CNNM3: variants seen among roughly 807,000 people sequenced by gnomAD.
The protein encoded by CNNM3 is metal transporter CNNM3.
CNNM3 carries 47 observed loss-of-function variants against 57.1 expected under a neutral mutation model. The ratio of observed to expected loss-of-function variants is 0.82; its 90% CI spans 0.65 to 1.05. The LOEUF (loss-of-function observed/expected upper bound fraction) is 1.05, where lower values mean the gene tolerates loss of function less well. Ranked by LOEUF, CNNM3 falls within the 50% of genes least tolerant of loss-of-function variation. CNNM3 has a pLI of 0.00. For missense variants in CNNM3, 957 were observed against 973.7 expected (o/e 0.98, Z 0.23); for synonymous variants, 507 against 478.2 (o/e 1.06, Z -0.79).
Position 96,817,052 on chromosome 2 carries a change from A to T in CNNM3, c.775A>T (p.Ser259Cys). 1 of 1,369,806 alleles carries T rather than the reference A, an allele frequency of 7.3e-7. No individual in the cohort carries two copies. Among genetic ancestry groups the T allele is most frequent in the Non-Finnish European group, 9.4e-7 (1 of 1,061,506 alleles). The allele number at this position is 1,369,806 out of a possible 1,614,324, so 84.9% of individuals were successfully genotyped here. ...GCTGGCGCCGCGAGCGCTCGGCCTC[A>T]GCCGCCTGGCCGTCCTGCTCACTCT... ...LALAPRALGLSRLAVLLTLPV... is the reference protein window; with the variant it reads ...LALAPRALGLCRLAVLLTLPV... The change falls in exon 1 of 8, where the codon AGC (serine) becomes TGC (cysteine). Residue 259 changes from serine (S) to cysteine (C), a missense_variant. By Grantham distance (112) the Ser-to-Cys change is moderately radical. Transcript: ENST00000305510.
intron 2 of CNNM3, 110 bp downstream of exon 2, chr2:96,825,311 C>G: frequency 2.2e-6 from 3 of 1,352,994 alleles, no homozygotes; most frequent in East Asian, 4.9e-5. Context: ...CCAGCAAGAT[C>G]CACAGCCAGG....
intron 7 of CNNM3, among the ~76,000 whole-genome samples, chr2:96,830,485 A>G (rs1367192389): frequency 6.6e-6 from 1 of 152,224 alleles, no homozygotes; most frequent in African/African-American, 2.4e-5. Flanking sequence ...CGAGAGCACA[A>G]ACATGTTTTT....
Position 96,816,612 on chromosome 2 carries a change from C to G in CNNM3, c.335C>G (p.Pro112Arg). The G allele has an allele frequency of 3.4e-6, 4 of 1,181,156 alleles. No individual in the cohort carries two copies. Among genetic ancestry groups the G allele is most frequent in the Non-Finnish European group, 4.2e-6 (4 of 955,734 alleles). 73.2% of individuals were successfully genotyped at this position (1,181,156 alleles called of 1,614,324 possible). ...RLRLRAEAVR[P>R]HSALLAVRVE... ...CGCCTGCGGGCCGAGGCCGTGCGCC[C>G]GCACTCGGCGCTGCTGGCGGTGCGC... Residue 112 changes from proline (P) to arginine (R), a missense_variant, in exon 1 of 8, where the codon CCG (proline) becomes CGG (arginine). Pro to Arg is a moderately radical substitution (Grantham distance 103). This residue lies in a region of CNNM3 where 466 missense variants were observed against 403.1 expected (regional missense o/e 1.16). Transcript: ENST00000305510.
At chr2:96,828,965 A>C in intron 6 of CNNM3, 31 bp from the exon 7 acceptor site, 1 of 1,609,264 alleles carries the variant, frequency 6.2e-7, no homozygotes, top group Non-Finnish European at 8.5e-7. Flanking sequence ...CGCTTCACCA[A>C]TTGGGTCCCA....
At chr2:96,820,332 G>T (rs1345887653) in intron 1 of CNNM3, among the ~76,000 whole-genome samples, 2 of 152,218 alleles carry the variant, frequency 1.3e-5, no homozygotes, top group South Asian at 4.1e-4. Flanking sequence ...CTTCACTAAG[G>T]GCCGGGCGTG....
chr2:96,830,074 A>AG (rs1364566182), intron 7 of CNNM3, among the ~76,000 whole-genome samples: 5 of 152,344 alleles, frequency 3.3e-5, no homozygotes, highest in African/African-American at 1.2e-4. Flanking sequence ...AAGAGTCTGA[A>AG]GTGTAGGCTG....
At position 96,816,400 on chromosome 2, in the gene CNNM3, T is replaced by G; in HGVS notation, c.123T>G (p.Asp41Glu). 7.3e-7 allele frequency: 1 copy of G among 1,374,274 alleles called. No individual in the cohort carries two copies. 85.1% of individuals were successfully genotyped at this position (1,374,274 alleles called of 1,614,324 possible). A position where few individuals can be genotyped will look rare whatever the true frequency, so the allele number is the denominator to read the frequency against. Residue 41 changes from aspartate (D) to glutamate (E), a missense_variant, in exon 1 of 8, where the codon GAT becomes GAG. Around this residue, in one of 2 missense-constraint regions of CNNM3, gnomAD observed 466 missense variants for 403.1 expected, o/e 1.16. Transcript: ENST00000305510. ...TGCTGGGCTTCTGCCTGGAGGAGGA[T>G]GGAGCGGCGGGCGCGGGTTGGGTAC... The part of the protein sequence containing the change: ...PRVLGFCLEE[D>E]GAAGAGWVRG...
chr2:96,817,402 C>G lies in CNNM3; in HGVS notation c.1125C>G (p.Asp375Glu), dbSNP rs767084300. 1.2e-6 allele frequency: 2 copies of G among 1,614,158 alleles called. No homozygotes were observed. Among genetic ancestry groups the G allele is most frequent in the East Asian group, 4.5e-5 (2 of 44,878 alleles). The change falls in exon 1 of 8, where the codon GAC becomes GAG. Residue 375 changes from aspartate to glutamate, a missense_variant. By Grantham distance (45) the Asp-to-Glu change is conservative (BLOSUM62 2). This residue lies in a region of CNNM3 where 491 missense variants were observed against 570.6 expected (regional missense o/e 0.86). Coordinates refer to ENST00000305510, the MANE Select transcript of CNNM3 (RefSeq NM_017623.5). ...ACTTGGCCTTCGTGGATCCCGAAGACTGCACGCCGCTCAGCACCATCACTC... is the reference window on the plus strand; with the variant it reads ...ACTTGGCCTTCGTGGATCCCGAAGAGTGCACGCCGCTCAGCACCATCACTC... Reference protein sequence around the residue: ...LKDLAFVDPEDCTPLSTITRF... With the variant: ...LKDLAFVDPEECTPLSTITRF...
chr2:96,832,559 C>G lies in CNNM3; in HGVS notation c.2067C>G (p.Ser689Arg). The stretch of plus-strand genomic sequence containing the variant: ...TTCCCTTGTCTCCTGTAGGGTCCAG[C>G]CACAGCAGGCCCGGCGTCCCGGTGG... ...GEKTTTAAGS[S>R]HSRPGVPVEG... The change falls in exon 8 of 8, where the codon AGC (serine) becomes AGG (arginine). Residue 689 changes from serine to arginine, a missense_variant. Coordinates refer to ENST00000305510, the MANE Select transcript of CNNM3 (RefSeq NM_017623.5). The G allele has an allele frequency of 6.2e-7, 1 of 1,614,232 alleles. No individual in the cohort carries two copies. Among genetic ancestry groups the G allele is most frequent in the African/African-American group, 1.3e-5 (1 of 75,074 alleles).
At chr2:96,827,984 C>T (rs752226422) in intron 4 of CNNM3, 84 bp downstream of exon 4, 65 of 1,555,398 alleles carry the variant, frequency 4.2e-5, no homozygotes, top group African/African-American at 1.1e-4. Context: ...CAGGGGCATG[C>T]GGATATGCAC....
chr2:96,825,107 C>T lies in CNNM3; in HGVS notation c.1275C>T (p.Gly425=), dbSNP rs762629691. 4.8e-5 allele frequency: 78 copies of T among 1,613,730 alleles called. 1 individual carries two copies. The highest frequency in any genetic ancestry group is 2.5e-4 in the South Asian group (23 of 91,058). ...IVQKVNNEGE[G]DPFYEVLGLV... ...AGAAGGTGAACAACGAGGGTGAAGGCGACCCCTTCTACGAGGTCCTGGGCC... is the reference window on the plus strand; with the variant it reads ...AGAAGGTGAACAACGAGGGTGAAGGTGACCCCTTCTACGAGGTCCTGGGCC... Residue 425 remains glycine (G), a synonymous_variant, in exon 2 of 8, where the codon GGC becomes GGT. Transcript: ENST00000305510.
chr2:96,836,687 C>T (rs1029410866), downstream of CNNM3: 1 of 152,188 alleles, frequency 6.6e-6, no homozygotes, highest in Non-Finnish European at 1.5e-5. Flanking sequence ...GCCATCTTTT[C>T]ACCCTCTTAA....
At position 96,834,740 on chromosome 2, in the gene CNNM3, A is replaced by G. The variant is rs566344371; in HGVS notation, c.*2124A>G. The stretch of plus-strand genomic sequence containing the variant: ...TACATTTATCAAAACTAAAGGTGCA[A>G]TCATACTAATAGCTAGAGTTTATTT... On this transcript the variant is annotated 3_prime_UTR_variant, in exon 8 of 8. Transcript: ENST00000305510. Among the ~76,000 whole-genome samples the G allele has an allele frequency of 5.9e-5, 9 of 152,310 alleles. No individual in the cohort carries two copies. Among genetic ancestry groups the G allele is most frequent in the Middle Eastern group, 3.4e-3 (1 of 294 alleles).
intron 1 of CNNM3, among the ~76,000 whole-genome samples, chr2:96,820,085 G>T (rs1286844823): frequency 1.3e-5 from 2 of 152,214 alleles, no homozygotes; most frequent in Non-Finnish European, 2.9e-5. Flanking sequence ...AGCAGCATCA[G>T]TTATTTTTAC....
intron 1 of CNNM3, chr2:96,824,732 G>C (rs185428155): frequency 2.2e-5 from 7 of 312,272 alleles, no homozygotes. Context: ...CCACTGGAGG[G>C]AGGCATCCTT....
chr2:96,837,426 A>G (rs2079704262), downstream of CNNM3: 1 of 152,164 alleles, frequency 6.6e-6, no homozygotes, highest in African/African-American at 2.4e-5. Flanking sequence ...AAACCGAAGT[A>G]TTTCCCTTTT....
intron 1 of CNNM3, among the ~76,000 whole-genome samples, chr2:96,823,091 A>G (rs1024832431): frequency 6.6e-6 from 1 of 152,164 alleles, no homozygotes; most frequent in Non-Finnish European, 1.5e-5. Context: ...GCTGCCATCT[A>G]GACCCCTCAG....
At chr2:96,824,938 C>T (rs12621558) in intron 1 of CNNM3, 120 bp from the exon 2 acceptor site, 19,361 of 1,102,710 alleles carry the variant, frequency 0.018, 793 homozygotes, top group African/African-American at 0.12. Context: ...TGGCTCTGTG[C>T]CTGGCACGTT....
downstream of CNNM3, chr2:96,836,530 C>T (rs1196928283): frequency 6.6e-6 from 1 of 152,156 alleles, no homozygotes; most frequent in African/African-American, 2.4e-5. Flanking sequence ...CATGAGCCAC[C>T]ATGCCCAGCC....
Sources: gnomAD v4.1 joint callset for allele counts (sites outside exome capture counted in the v4.1 genomes callset) on GRCh38, gnomAD v4.1.1 for gene constraint, gnomAD v4.1.1 regional missense constraint, MANE v1.5 for transcripts, NCBI Gene and HGNC (gene_info 2026-07-23, HGNC 2026-07-21) for gene names.